HPSE2: variants seen among roughly 807,000 people sequenced by gnomAD.
HPSE2 encodes the protein inactive heparanase-2.
Under a neutral mutation model 60.5 loss-of-function variants are expected in HPSE2, and 38 were observed. That is an observed-to-expected ratio of 0.63 (90% confidence interval 0.48 to 0.82). HPSE2 has a LOEUF of 0.82. Among genes scored for constraint, HPSE2 ranks in the 40% least tolerant of loss-of-function variants. The probability of loss-of-function intolerance (pLI) is 0.00; values close to 1 mark genes in which losing one functional copy is unlikely to be tolerated. For synonymous variants in HPSE2, 295 were observed against 293.2 expected (o/e 1.01, Z -0.06); for missense variants, 713 against 740.4 (o/e 0.96, Z 0.43).
intron 3 of HPSE2, among the ~76,000 whole-genome samples, chr10:98,937,275 G>C (rs1954829240): frequency 6.9e-6 from 1 of 144,458 alleles, no homozygotes; most frequent in Admixed American, 6.9e-5. Flanking sequence ...AGCTGAAGCA[G>C]GGCAAGGCAT....
chr10:98,491,704 T>A (rs1941650152), intron 9 of HPSE2, among the ~76,000 whole-genome samples: 1 of 152,226 alleles, frequency 6.6e-6, no homozygotes, highest in East Asian at 1.9e-4. Context: ...TGAGAATGTT[T>A]CAAGGGGTAT....
intron 3 of HPSE2, among the ~76,000 whole-genome samples, chr10:99,143,407 A>G (rs1845935565): frequency 6.6e-6 from 1 of 152,258 alleles, no homozygotes; most frequent in African/African-American, 2.4e-5. Flanking sequence ...TGAGATGTTC[A>G]TAGCCTGTCA....
chr10:99,099,051 A>C (rs537216513), intron 3 of HPSE2, among the ~76,000 whole-genome samples: 13 of 152,338 alleles, frequency 8.5e-5, no homozygotes, highest in African/African-American at 2.4e-4. Context: ...TCCAGTCTAC[A>C]GCTCCCAGCG....
chr10:98,583,203 G>C (rs1944851669), intron 9 of HPSE2, among the ~76,000 whole-genome samples: 1 of 152,142 alleles, frequency 6.6e-6, no homozygotes. Flanking sequence ...CTACACCCAA[G>C]TAAATAACTT....
intron 3 of HPSE2, among the ~76,000 whole-genome samples, chr10:98,790,846 GAT>G (rs1013086355): frequency 1.3e-5 from 2 of 152,120 alleles, no homozygotes; most frequent in Non-Finnish European, 2.9e-5. Flanking sequence ...AAATGAAAAA[GAT>G]GTGTAAAAGA....
intron 6 of HPSE2, among the ~76,000 whole-genome samples, chr10:98,656,194 T>C (rs925191505): frequency 6.6e-6 from 1 of 152,110 alleles, no homozygotes; most frequent in African/African-American, 2.4e-5. Context: ...TTAAGCGATT[T>C]TCCTTCCTCA....
At chr10:98,545,174 AC>A (rs1460281004) in intron 9 of HPSE2, among the ~76,000 whole-genome samples, 1 of 152,004 alleles carries the variant, frequency 6.6e-6, no homozygotes, top group African/African-American at 2.4e-5. Context: ...AGCTTACCAA[AC>A]AAAAAGAGTC....
chr10:98,506,960 G>A (rs921396442), intron 9 of HPSE2, among the ~76,000 whole-genome samples: 1 of 152,162 alleles, frequency 6.6e-6, no homozygotes, highest in African/African-American at 2.4e-5. Context: ...GGTAAAGCAT[G>A]TGACATAGGT....
chr10:99,245,198 G>A, the HPSE2 span, among the ~76,000 whole-genome samples: 41 of 152,196 alleles, frequency 2.7e-4, no homozygotes, highest in Non-Finnish European at 4.9e-4. Context: ...TGCAAGCCTA[G>A]GTCAGGGATT....
chr10:98,832,621 G>A (rs1197355089), intron 3 of HPSE2, among the ~76,000 whole-genome samples: 1 of 152,132 alleles, frequency 6.6e-6, no homozygotes, highest in African/African-American at 2.4e-5. Context: ...ACAACTTGTG[G>A]TCAGGATCCA....
At chr10:98,646,262 C>T (rs935106939) in intron 6 of HPSE2, among the ~76,000 whole-genome samples, 2 of 151,392 alleles carry the variant, frequency 1.3e-5, no homozygotes, top group African/African-American at 2.4e-5. Flanking sequence ...CTGTGGTGAC[C>T]ATTTTATAAG....
intron 5 of HPSE2, among the ~76,000 whole-genome samples, chr10:98,705,250 G>A (rs1948516307): frequency 6.6e-6 from 1 of 152,142 alleles, no homozygotes; most frequent in Non-Finnish European, 1.5e-5. Context: ...CAAAAGTCAA[G>A]AAACAATAGA....
chr10:99,132,271 G>GA (rs1554896114), intron 3 of HPSE2, among the ~76,000 whole-genome samples: 1 of 147,514 alleles, frequency 6.8e-6, no homozygotes, highest in African/African-American at 2.5e-5. Context: ...AAGAAAGAAA[G>GA]AAAGAAAAGA....
intron 2 of HPSE2, among the ~76,000 whole-genome samples, chr10:99,185,296 C>T (rs1847961824): frequency 6.6e-6 from 1 of 150,920 alleles, no homozygotes; most frequent in Admixed American, 6.6e-5. Flanking sequence ...AGAGCAAAGA[C>T]TCTGTCTCAA....
intron 4 of HPSE2, among the ~76,000 whole-genome samples, chr10:98,737,154 C>T (rs546429136): frequency 4.9e-4 from 74 of 152,238 alleles, no homozygotes; most frequent in African/African-American, 1.6e-3. Flanking sequence ...TTAGCTGTGA[C>T]CTACCCTCAT....
chr10:98,534,684 C>T (rs369396386), intron 9 of HPSE2, among the ~76,000 whole-genome samples: 46 of 152,342 alleles, frequency 3.0e-4, no homozygotes, highest in African/African-American at 1.1e-3. Flanking sequence ...GGATTACAGG[C>T]ATGAACCACC....
intron 3 of HPSE2, among the ~76,000 whole-genome samples, chr10:98,940,911 A>G (rs1261548105): frequency 7.6e-6 from 1 of 131,002 alleles, no homozygotes; most frequent in Non-Finnish European, 1.6e-5. Flanking sequence ...CATCCCTGGG[A>G]TGCAAGGCTG....
At chr10:98,673,338 C>T (rs1447286325) in intron 6 of HPSE2, among the ~76,000 whole-genome samples, 1 of 152,188 alleles carries the variant, frequency 6.6e-6, no homozygotes, top group Non-Finnish European at 1.5e-5. Context: ...AGAGGCTACT[C>T]ACTCAAGGCA....
chr10:98,531,403 A>G (rs955043149), intron 9 of HPSE2, among the ~76,000 whole-genome samples: 2 of 152,166 alleles, frequency 1.3e-5, no homozygotes, highest in African/African-American at 4.8e-5. Context: ...ACTTAGTGCT[A>G]TCAAGAGCAC....
Sources: gnomAD v4.1 joint callset for allele counts (sites outside exome capture counted in the v4.1 genomes callset) on GRCh38, gnomAD v4.1.1 for gene constraint, MANE v1.5 for transcripts, NCBI Gene and HGNC (gene_info 2026-07-23, HGNC 2026-07-21) for gene names.